TNKS2: variants seen among roughly 807,000 people sequenced by gnomAD.
The protein encoded by TNKS2 is poly [ADP-ribose] polymerase tankyrase-2.
TNKS2 carries 72 observed loss-of-function variants against 137.6 expected under a neutral mutation model. The observed-to-expected ratio is 0.52, with a 90% CI of 0.43 to 0.64. TNKS2 has a LOEUF of 0.64. TNKS2 is among the 30% of genes least tolerant of loss of function. The pLI, the probability that TNKS2 is intolerant of heterozygous loss-of-function variation, is 0.00. For missense variants in TNKS2, 1,049 were observed against 1,410.2 expected, an observed-to-expected ratio of 0.74 and a Z score of 4.10; for synonymous variants, 516 against 512.1, an observed-to-expected ratio of 1.01 and a Z score of -0.10.
In TNKS2 at chr10:91,859,611, C is replaced by G. The variant is rs867682174; in HGVS notation, c.3244C>G (p.Pro1082Ala). The G allele has an allele frequency of 4.3e-6, 7 of 1,612,658 alleles. No homozygotes were observed. The highest frequency in any genetic ancestry group is 5.9e-6 in the Non-Finnish European group (7 of 1,179,542). ...VYGIGGGTGC[P>A]VHKDRSCYIC... is the part of the protein sequence containing the mutation. ...TGGAATTGGAGGAGGTACTGGGTGT[C>G]CAGTTCACAAAGACAGATCTTGTTA... is the stretch of plus-strand genomic sequence containing the variant. Residue 1082 changes from proline to alanine, a missense_variant, in exon 25 of 27, where the codon CCA becomes GCA. By Grantham distance (27) the Pro-to-Ala change is conservative. Transcript: ENST00000371627.
At chr10:91,821,713 G>C (rs976678338) in intron 6 of TNKS2, among the ~76,000 whole-genome samples, 5 of 152,200 alleles carry the variant, frequency 3.3e-5, no homozygotes, top group African/African-American at 4.8e-5. Flanking sequence ...AAATGAGCCA[G>C]TATTTGAGCT....
At chr10:91,814,161 G>C (rs10881973) in intron 2 of TNKS2, among the ~76,000 whole-genome samples, 78,555 of 151,934 alleles carry the variant, frequency 0.52, 20,748 homozygotes, top group East Asian at 0.72. Flanking sequence ...TCCAGTGGGA[G>C]AAGATATGGA....
intron 26 of TNKS2, 104 bp from the exon 27 acceptor site, chr10:91,862,833 G>A (rs1158094851): frequency 1.4e-6 from 1 of 730,088 alleles, no homozygotes; most frequent in African/African-American, 1.8e-5. Flanking sequence ...ATCTACAACA[G>A]TAATTTAGAA....
chr10:91,821,977 A>G (rs1844905451), intron 6 of TNKS2, among the ~76,000 whole-genome samples: 1 of 152,162 alleles, frequency 6.6e-6, no homozygotes, highest in Non-Finnish European at 1.5e-5. Flanking sequence ...CTTTTAGAAA[A>G]ATCTGCCTCA....
chr10:91,816,686 C>CTTTT (rs34591746), intron 2 of TNKS2, among the ~76,000 whole-genome samples: 1,783 of 147,756 alleles, frequency 0.012, 31 homozygotes, highest in African/African-American at 0.031. Context: ...GTGTGATTTT[C>CTTTT]TTTTTTTTTT....
chr10:91,852,825 T>C (rs901256130), intron 21 of TNKS2, among the ~76,000 whole-genome samples: 1 of 152,332 alleles, frequency 6.6e-6, no homozygotes, highest in East Asian at 1.9e-4. Context: ...AGGAATACTT[T>C]AAACTGGTAT....
chr10:91,814,954 CTG>C (rs1844633789), intron 2 of TNKS2, among the ~76,000 whole-genome samples: 2 of 152,156 alleles, frequency 1.3e-5, no homozygotes, highest in African/African-American at 4.8e-5. Flanking sequence ...AGTTAGGAAA[CTG>C]TAAAGTAACC....
At chr10:91,832,909 GT>G (rs1841864102) in intron 11 of TNKS2, among the ~76,000 whole-genome samples, 1 of 152,030 alleles carries the variant, frequency 6.6e-6, no homozygotes, top group South Asian at 2.1e-4. Flanking sequence ...TTACTCTAGT[GT>G]TTTATTACAT....
At chr10:91,862,188 T>G (rs1842870172) in intron 26 of TNKS2, 33 bp downstream of exon 26, 2 of 1,507,092 alleles carry the variant, frequency 1.3e-6, no homozygotes, top group Admixed American at 4.0e-5. Context: ...TCTTCAAAAA[T>G]GCTAGGGAGG....
intron 1 of TNKS2, among the ~76,000 whole-genome samples, chr10:91,806,167 A>G (rs2133587995): frequency 6.6e-6 from 1 of 152,022 alleles, no homozygotes; most frequent in Admixed American, 6.6e-5. Context: ...TGACAAATTT[A>G]TACAAAACAT....
intron 21 of TNKS2, among the ~76,000 whole-genome samples, chr10:91,851,964 C>T (rs1842549284): frequency 6.6e-6 from 1 of 152,344 alleles, no homozygotes; most frequent in East Asian, 1.9e-4. Context: ...CGCGGTGGCT[C>T]ACGCCTGTAA....
intron 8 of TNKS2, 89 bp from the exon 9 acceptor site, chr10:91,828,196 A>C (rs1845125430): frequency 7.6e-7 from 1 of 1,320,156 alleles, no homozygotes; most frequent in Non-Finnish European, 1.0e-6. Context: ...TTATTTTGAA[A>C]ATAATTTCAA....
At chr10:91,818,871 T>C (rs1473254886) in intron 3 of TNKS2, among the ~76,000 whole-genome samples, 1 of 152,146 alleles carries the variant, frequency 6.6e-6, no homozygotes, top group African/African-American at 2.4e-5. Flanking sequence ...TACATTTTGT[T>C]TCTCTGTTAT....
intron 1 of TNKS2, among the ~76,000 whole-genome samples, chr10:91,804,614 A>G (rs1014688923): frequency 1.3e-5 from 2 of 152,208 alleles, no homozygotes; most frequent in African/African-American, 4.8e-5. Context: ...CTGGCCAGTG[A>G]GAACATGATC....
In TNKS2 at chr10:91,845,955, T is replaced by A; in HGVS notation, c.2358+15T>A. ...ATTTAGTTTCAGTAAGTGATGGGCTTTTTGAAAAATCTCAGTGCTTTTCTG... is the reference window on the plus strand; with the variant it reads ...ATTTAGTTTCAGTAAGTGATGGGCTATTTGAAAAATCTCAGTGCTTTTCTG... On this transcript the variant is annotated intron_variant, in intron 18 of 26. Transcript: ENST00000371627. 5 of 1,502,744 alleles carry A rather than the reference T, an allele frequency of 3.3e-6. No individual in the cohort carries two copies. Among genetic ancestry groups the A allele is most frequent in the Non-Finnish European group, 4.5e-6 (5 of 1,111,338 alleles). 93.1% of individuals were successfully genotyped at this position (1,502,744 alleles called of 1,614,324 possible).
In TNKS2 at chr10:91,865,361, C is replaced by T. The variant is rs1047081323; in HGVS notation, c.*2362C>T. 2.6e-5 allele frequency: 4 copies of T among 152,506 alleles called. No homozygotes were observed. Among genetic ancestry groups the T allele is most frequent in the African/African-American group, 9.7e-5 (4 of 41,400 alleles). 9.4% of individuals were successfully genotyped at this position (152,506 alleles called of 1,614,324 possible). A position where few individuals can be genotyped will look rare whatever the true frequency, so the allele number is the denominator to read the frequency against. ...AATGAATTAAGATTACAATAAACCA[C>T]AATTGCAGGAAAACAATGTAGTTCT... On this transcript the variant is annotated 3_prime_UTR_variant, in exon 27 of 27. Transcript: ENST00000371627.
chr10:91,838,573 A>T (rs1842106765), intron 13 of TNKS2, among the ~76,000 whole-genome samples: 1 of 152,204 alleles, frequency 6.6e-6, no homozygotes, highest in Admixed American at 6.5e-5. Flanking sequence ...ATGGCCTGTG[A>T]TAACTACCAA....
At chr10:91,826,685 C>T (rs771309031) in intron 7 of TNKS2, among the ~76,000 whole-genome samples, 2 of 152,114 alleles carry the variant, frequency 1.3e-5, no homozygotes, top group Non-Finnish European at 2.9e-5. Flanking sequence ...ATACATTTGT[C>T]AGAATTCATC....
intron 9 of TNKS2, 55 bp downstream of exon 9, chr10:91,828,461 AATC>A (rs1467821657): frequency 7.0e-7 from 1 of 1,420,930 alleles, no homozygotes; most frequent in Admixed American, 2.6e-5. Flanking sequence ...GTGCTAAACT[AATC>A]ATAATATCCT....
Sources: allele counts gnomAD v4.1 joint callset (sites outside exome capture counted in the v4.1 genomes callset), GRCh38; gene constraint gnomAD v4.1.1; transcripts MANE v1.5; gene names NCBI Gene and HGNC (gene_info 2026-07-23, HGNC 2026-07-21).